Variants in SCIN observed in about 807,000 individuals in gnomAD.
SCIN encodes scinderin, also known as adseverin.
Under a neutral mutation model 91.8 loss-of-function variants are expected in SCIN, and 91 were observed. The ratio of observed to expected loss-of-function variants is 0.99; its 90% CI spans 0.84 to 1.18. The LOEUF (loss-of-function observed/expected upper bound fraction) is 1.18. Among genes scored for constraint, SCIN ranks in the 50% most tolerant of loss-of-function variants. The pLI is 0.00. For synonymous variants in SCIN, 367 were observed against 312.6 expected, an observed-to-expected ratio of 1.17 and a Z score of -1.84; for missense variants, 1,087 against 863.9, an observed-to-expected ratio of 1.26 and a Z score of -3.24.
intron 1 of SCIN, among the ~76,000 whole-genome samples, chr7:12,576,315 A>T (rs983989983): frequency 1.3e-5 from 2 of 151,974 alleles, no homozygotes; most frequent in South Asian, 4.2e-4. Flanking sequence ...CAGCGAGTTC[A>T]CAAAATTGTT....
chr7:12,574,586 C>T (rs1286228456), intron 1 of SCIN, among the ~76,000 whole-genome samples: 1 of 152,064 alleles, frequency 6.6e-6, no homozygotes, highest in Non-Finnish European at 1.5e-5. Flanking sequence ...ATATCAATGC[C>T]AATATCCTGG....
chr7:12,615,325 T>G (rs1783276328), intron 4 of SCIN, among the ~76,000 whole-genome samples: 1 of 152,102 alleles, frequency 6.6e-6, no homozygotes, highest in African/African-American at 2.4e-5. Context: ...GGGAGGTGAT[T>G]AGATCATGGT....
At chr7:12,641,304 C>T (rs940841267) in intron 11 of SCIN, among the ~76,000 whole-genome samples, 3 of 152,128 alleles carry the variant, frequency 2.0e-5, no homozygotes, top group Admixed American at 6.5e-5. Context: ...GATTTCTCTA[C>T]GACTGTCCTC....
chr7:12,635,768 G>T (rs1484486401), intron 9 of SCIN, among the ~76,000 whole-genome samples: 1 of 151,690 alleles, frequency 6.6e-6, no homozygotes, highest in African/African-American at 2.4e-5. Flanking sequence ...CTTAAAATCA[G>T]GTGAACCCAA....
chr7:12,608,989 A>G (rs2356490), intron 4 of SCIN, among the ~76,000 whole-genome samples: 67,538 of 152,020 alleles, frequency 0.44, 15,954 homozygotes, highest in Admixed American at 0.6. Context: ...ACTGAAACTC[A>G]CACTTTTCTG....
intron 10 of SCIN, among the ~76,000 whole-genome samples, chr7:12,638,554 T>C (rs1292226778): frequency 6.6e-6 from 1 of 152,236 alleles, no homozygotes; most frequent in Admixed American, 6.5e-5. Context: ...TAAGACTCTA[T>C]ATGGTACAAA....
rs772944124 is a variant in SCIN at position 12,651,536 on chromosome 7, A to T, written c.1960-305A>T. Among the ~76,000 whole-genome samples the T allele has an allele frequency of 1.3e-5, 2 of 149,878 alleles. No individual in the cohort carries two copies. Among genetic ancestry groups the T allele is most frequent in the Non-Finnish European group, 3.0e-5 (2 of 67,440 alleles). On this transcript the variant is annotated intron_variant, in intron 14 of 15. Transcript: ENST00000297029. The surrounding 1 kb of genome is among the most constrained non-coding windows in gnomAD (Gnocchi z 5.9). Reference sequence around the variant, plus strand: ...GGGGGTGGATGAAAAAAAAAAGTCCACCCAGACAATCTGTTTTTTTTTGTG... The same window carrying T: ...GGGGGTGGATGAAAAAAAAAAGTCCTCCCAGACAATCTGTTTTTTTTTGTG...
At chr7:12,586,713 T>A (rs1048680627) in intron 3 of SCIN, among the ~76,000 whole-genome samples, 2 of 152,122 alleles carry the variant, frequency 1.3e-5, no homozygotes, top group Non-Finnish European at 2.9e-5. Context: ...AAAGAAAATA[T>A]GGTATACACA....
intron 3 of SCIN, among the ~76,000 whole-genome samples, chr7:12,600,667 G>A (rs983658839): frequency 1.3e-5 from 2 of 152,180 alleles, no homozygotes; most frequent in African/African-American, 4.8e-5. Context: ...ATAATTAGAT[G>A]TTACAGATTC....
At chr7:12,596,352 G>A (rs559935298) in intron 3 of SCIN, 71 of 455,946 alleles carry the variant, frequency 1.6e-4, no homozygotes, top group African/African-American at 4.0e-4. Context: ...TGACGTCTGC[G>A]TTTAATTAAG....
intron 4 of SCIN, among the ~76,000 whole-genome samples, chr7:12,605,012 C>G (rs1428161934): frequency 6.6e-6 from 1 of 152,074 alleles, no homozygotes; most frequent in Non-Finnish European, 1.5e-5. Flanking sequence ...GTTCTTTCAT[C>G]TATTCATCTG....
intron 9 of SCIN, among the ~76,000 whole-genome samples, chr7:12,631,122 G>A (rs548729572): frequency 3.2e-4 from 48 of 152,266 alleles, no homozygotes; most frequent in African/African-American, 1.1e-3. Context: ...TGCCTATGTG[G>A]ACATATTAAA....
intron 1 of SCIN, 37 bp from the exon 2 acceptor site, chr7:12,578,027 T>C: frequency 1.3e-6 from 2 of 1,492,506 alleles, no homozygotes; most frequent in Non-Finnish European, 1.8e-6. Context: ...TCCTTTCTCT[T>C]GCTTGATAAT....
At chr7:12,587,882 C>A (rs1729500750) in intron 3 of SCIN, among the ~76,000 whole-genome samples, 1 of 152,112 alleles carries the variant, frequency 6.6e-6, no homozygotes, top group Admixed American at 6.5e-5. Context: ...TCTGTGTTTC[C>A]TGCAAGATAC....
At chr7:12,646,043 T>C (rs1049388178) in intron 13 of SCIN, among the ~76,000 whole-genome samples, 1 of 152,206 alleles carries the variant, frequency 6.6e-6, no homozygotes, top group Non-Finnish European at 1.5e-5. Flanking sequence ...AAAAATATTA[T>C]GGAAATATTA....
intron 3 of SCIN, chr7:12,595,686 GT>G (rs988986466): frequency 1.3e-5 from 2 of 152,158 alleles, no homozygotes; most frequent in African/African-American, 2.4e-5. Context: ...ATTTGGAAAA[GT>G]TTTTTAAAGT....
At position 12,622,869 on chromosome 7, in the gene SCIN, C is replaced by G; in HGVS notation, c.735C>G (p.Asn245Lys). ...DDDDIIADISNRKMAKLYMVS... is the reference protein window; with the variant it reads ...DDDDIIADISKRKMAKLYMVS... The stretch of plus-strand genomic sequence containing the variant: ...ATGACATTATAGCAGACATAAGTAA[C>G]AGGAAAATGGCTAAACTATACATGG... The change falls in exon 5 of 16, where the codon AAC becomes AAG. Residue 245 changes from asparagine (N) to lysine (K), a missense_variant. Asn to Lys is a moderately conservative substitution (Grantham distance 94). Coordinates refer to ENST00000297029, the MANE Select transcript of SCIN (RefSeq NM_001112706.3). The G allele has an allele frequency of 6.2e-7, 1 of 1,612,542 alleles. No homozygotes were observed. Among genetic ancestry groups the G allele is most frequent in the Admixed American group, 1.7e-5 (1 of 59,938 alleles).
chr7:12,647,190 G>C (rs10263557), intron 13 of SCIN, among the ~76,000 whole-genome samples: 121 of 152,232 alleles, frequency 7.9e-4, no homozygotes, highest in African/African-American at 2.4e-3. Flanking sequence ...AAAAAGATCT[G>C]TTAGTCTTTG....
At position 12,652,955 on chromosome 7, in the gene SCIN, A is replaced by T. The variant is rs1784112214; in HGVS notation, c.*240A>T. 2.6e-6 allele frequency: 1 copy of T among 378,442 alleles called. No homozygotes were observed. Among genetic ancestry groups the T allele is most frequent in the Non-Finnish European group, 4.7e-6 (1 of 210,944 alleles). The allele number at this position is 378,442 out of a possible 1,614,324, so 23.4% of individuals were successfully genotyped here. On this transcript the variant is annotated 3_prime_UTR_variant, in exon 16 of 16. Transcript: ENST00000297029. ...TCGCCTCTACTAAAAATACAAAAAA[A>T]TTAGCTGCGCGTGGTGGTGCACGCC...
Sources: allele counts gnomAD v4.1 joint callset (sites outside exome capture counted in the v4.1 genomes callset), GRCh38; gene constraint gnomAD v4.1.1; non-coding constraint Gnocchi (gnomAD v3.1); transcripts MANE v1.5; gene names NCBI Gene and HGNC (gene_info 2026-07-23, HGNC 2026-07-21).